AOPEP: variants seen among roughly 807,000 people sequenced by gnomAD.
The protein encoded by AOPEP is aminopeptidase O (putative).
Under a neutral mutation model 98.1 loss-of-function variants are expected in AOPEP, and 77 were observed. The observed-to-expected ratio is 0.78, with a 90% CI of 0.65 to 0.95. AOPEP has a LOEUF of 0.95. Among genes scored for constraint, AOPEP ranks in the 40% least tolerant of loss-of-function variants. The pLI, the probability that AOPEP is intolerant of heterozygous loss-of-function variation, is 0.00. For missense variants in AOPEP, 1,024 were observed against 1,024.7 expected (o/e 1.00, Z 0.01); for synonymous variants, 346 against 365.3 (o/e 0.95, Z 0.60).
chr9:94,744,083 TC>T (rs1190761078), intron 1 of AOPEP, among the ~76,000 whole-genome samples: 1 of 152,154 alleles, frequency 6.6e-6, no homozygotes, highest in African/African-American at 2.4e-5. Context: ...GGTTACTTAA[TC>T]CTTAATCATG....
intron 5 of AOPEP, among the ~76,000 whole-genome samples, chr9:94,887,061 C>T (rs2048320627): frequency 1.3e-5 from 2 of 152,150 alleles, no homozygotes; most frequent in South Asian, 4.2e-4. Flanking sequence ...TCAGGTAAGG[C>T]TAGGTATAGT....
intron 11 of AOPEP, among the ~76,000 whole-genome samples, chr9:94,984,509 T>TG (rs1467547125): frequency 1.3e-5 from 2 of 152,180 alleles, no homozygotes; most frequent in Admixed American, 1.3e-4. Flanking sequence ...AGATGGACTG[T>TG]GAGAACACAT....
chr9:94,855,717 T>G (rs1180678795), intron 5 of AOPEP, among the ~76,000 whole-genome samples: 1 of 151,966 alleles, frequency 6.6e-6, no homozygotes, highest in East Asian at 1.9e-4. Context: ...GAAAAAGAAA[T>G]TGTGGGGCAT....
At chr9:94,758,989 G>A (rs1443336537) in intron 1 of AOPEP, among the ~76,000 whole-genome samples, 1 of 151,472 alleles carries the variant, frequency 6.6e-6, no homozygotes, top group Admixed American at 6.6e-5. Flanking sequence ...ATGTTAATGG[G>A]TTTTCAGCTA....
intron 13 of AOPEP, among the ~76,000 whole-genome samples, chr9:95,026,997 C>T (rs143799297): frequency 0.01 from 1,534 of 152,278 alleles, 18 homozygotes; most frequent in Non-Finnish European, 0.016. Context: ...AGTGGTGGCT[C>T]ACGCTTGTAA....
intron 4 of AOPEP, 27 bp downstream of exon 4, chr9:94,792,945 G>GT: frequency 3.3e-6 from 5 of 1,507,478 alleles, no homozygotes; most frequent in African/African-American, 1.5e-5. Context: ...TTGCTGGGAA[G>GT]GAAAAAAAAA....
chr9:94,766,304 C>T (rs573905309), intron 2 of AOPEP, among the ~76,000 whole-genome samples: 5 of 152,262 alleles, frequency 3.3e-5, no homozygotes, highest in South Asian at 2.1e-4. Context: ...TTTGGGAGGC[C>T]GAGGCGGGTG....
intron 5 of AOPEP, among the ~76,000 whole-genome samples, chr9:94,876,922 G>T (rs764286795): frequency 6.6e-6 from 1 of 152,082 alleles, no homozygotes; most frequent in African/African-American, 2.4e-5. Flanking sequence ...ACCCCTGGGA[G>T]GTCTGACTGT....
intron 5 of AOPEP, among the ~76,000 whole-genome samples, chr9:94,840,349 A>G (rs1166603703): frequency 6.6e-6 from 1 of 152,160 alleles, no homozygotes; most frequent in Non-Finnish European, 1.5e-5. Context: ...ATAAAATCAC[A>G]TTTGATTCTG....
intron 13 of AOPEP, among the ~76,000 whole-genome samples, chr9:95,008,415 A>G (rs1391045859): frequency 6.6e-6 from 1 of 152,076 alleles, no homozygotes; most frequent in African/African-American, 2.4e-5. Context: ...GAGAGGACGG[A>G]CTCTGACCAC....
At chr9:95,040,705 C>G (rs1233914770) in intron 13 of AOPEP, among the ~76,000 whole-genome samples, 1 of 152,230 alleles carries the variant, frequency 6.6e-6, no homozygotes, top group Non-Finnish European at 1.5e-5. Context: ...GGCCCAAGCT[C>G]CTGGAGGTGG....
At chr9:95,137,476 C>T in the AOPEP span, among the ~76,000 whole-genome samples, 3 of 152,096 alleles carry the variant, frequency 2.0e-5, no homozygotes, top group Non-Finnish European at 4.4e-5. Context: ...AGGCCCCGTT[C>T]CTCATCTCCC....
chr9:95,003,142 A>ATGTGTGTGTGTG (rs139797365), intron 11 of AOPEP, among the ~76,000 whole-genome samples: 17 of 149,374 alleles, frequency 1.1e-4, no homozygotes, highest in African/African-American at 2.7e-4. Context: ...AGAATTAAGA[A>ATGTGTGTGTGTG]TGTGTGTGTG....
chr9:94,784,743 G>A (rs1375914203), intron 3 of AOPEP, among the ~76,000 whole-genome samples: 1 of 152,126 alleles, frequency 6.6e-6, no homozygotes, highest in African/African-American at 2.4e-5. Flanking sequence ...AGCCTCCTGA[G>A]TAGCTAGGAT....
chr9:94,829,921 A>G (rs570683223), intron 5 of AOPEP, among the ~76,000 whole-genome samples: 1 of 152,194 alleles, frequency 6.6e-6, no homozygotes, highest in Admixed American at 6.5e-5. Context: ...ATTCACACCT[A>G]TCTCTGTGCT....
chr9:94,864,236 A>G (rs1327227809), intron 5 of AOPEP, among the ~76,000 whole-genome samples: 1 of 152,234 alleles, frequency 6.6e-6, no homozygotes, highest in Non-Finnish European at 1.5e-5. Flanking sequence ...ATGGGGAGAC[A>G]ATACACAGGA....
chr9:94,931,760 T>G (rs2055347314), intron 7 of AOPEP: 1 of 1,550,412 alleles, frequency 6.4e-7, no homozygotes, highest in Non-Finnish European at 8.7e-7. Context: ...CTTGAGATCT[T>G]TGCCACACTG....
chr9:95,105,822 G>A, the AOPEP span, among the ~76,000 whole-genome samples: 1 of 152,150 alleles, frequency 6.6e-6, no homozygotes, highest in Admixed American at 6.5e-5. Context: ...CCATCTTCAG[G>A]CTGAACAGTA....
intron 5 of AOPEP, among the ~76,000 whole-genome samples, chr9:94,830,703 T>C (rs966255359): frequency 6.6e-6 from 1 of 152,214 alleles, no homozygotes; most frequent in Non-Finnish European, 1.5e-5. Flanking sequence ...TTTGCAACCT[T>C]GCCAGCATCT....
Sources: gnomAD v4.1 joint callset for allele counts (sites outside exome capture counted in the v4.1 genomes callset) on GRCh38, gnomAD v4.1.1 for gene constraint, MANE v1.5 for transcripts, NCBI Gene and HGNC (gene_info 2026-07-23, HGNC 2026-07-21) for gene names.